SVOP: variants seen among roughly 807,000 people sequenced by gnomAD.
SVOP encodes the protein SV2 related protein, also known as synaptic vesicle 2-related protein.
Under a neutral mutation model 69.1 loss-of-function variants are expected in SVOP, and 17 were observed. That is an observed-to-expected ratio of 0.25 (90% CI 0.17 to 0.37). The LOEUF is 0.37. SVOP is among the 10% of genes least tolerant of loss of function. The probability of loss-of-function intolerance (pLI) is 1.00; values close to 1 mark genes in which losing one functional copy is unlikely to be tolerated. For missense variants in SVOP, 435 were observed against 597.5 expected, an observed-to-expected ratio of 0.73 and a Z score of 2.84; for synonymous variants, 238 against 238.6, an observed-to-expected ratio of 1.00 and a Z score of 0.02.
intron 7 of SVOP, among the ~76,000 whole-genome samples, chr12:108,943,069 T>A (rs1291161815): frequency 1.3e-5 from 2 of 151,876 alleles, no homozygotes; most frequent in Non-Finnish European, 2.9e-5. Context: ...AATAGTCCCT[T>A]TATTAAACCA....
At chr12:109,015,094 T>C (rs11065850) in intron 1 of SVOP, among the ~76,000 whole-genome samples, 143,287 of 152,186 alleles carry the variant, frequency 0.94, 68,067 homozygotes, top group Non-Finnish European at 1. Context: ...TAAAGAGAGT[T>C]ATTAGGGTAA....
intron 9 of SVOP, 121 bp downstream of exon 9, chr12:108,938,706 C>A (rs2039870687): frequency 5.3e-6 from 8 of 1,512,720 alleles, no homozygotes; most frequent in Admixed American, 1.8e-5. Context: ...CACGCACACA[C>A]CCCACCTTGG....
At chr12:109,003,204 G>T (rs983039671) in intron 1 of SVOP, among the ~76,000 whole-genome samples, 46 of 152,230 alleles carry the variant, frequency 3.0e-4, no homozygotes, top group African/African-American at 1.1e-3. Flanking sequence ...GGTTTCTTCT[G>T]GGGAGGAGAA....
intron 1 of SVOP, among the ~76,000 whole-genome samples, chr12:109,010,075 G>A (rs562138175): frequency 1.3e-5 from 2 of 148,766 alleles, no homozygotes; most frequent in Admixed American, 1.3e-4. Flanking sequence ...AGTGAGCCAT[G>A]ATCATGCCAC....
intron 1 of SVOP, among the ~76,000 whole-genome samples, chr12:109,013,708 A>G (rs2040354272): frequency 6.6e-6 from 1 of 151,942 alleles, no homozygotes; most frequent in Admixed American, 6.6e-5. Flanking sequence ...ACCATTTTTA[A>G]GTATACAGTT....
intron 5 of SVOP, among the ~76,000 whole-genome samples, chr12:108,961,574 A>G (rs2040018079): frequency 6.6e-6 from 1 of 152,190 alleles, no homozygotes; most frequent in Non-Finnish European, 1.5e-5. Flanking sequence ...GTCAATGACA[A>G]CGCTGTGTGC....
chr12:108,946,839 C>A (rs1335067070), intron 6 of SVOP, among the ~76,000 whole-genome samples: 1 of 151,964 alleles, frequency 6.6e-6, no homozygotes, highest in Non-Finnish European at 1.5e-5. Context: ...CCACCTCAGC[C>A]TCCTGAGTAG....
chr12:108,912,876 C>T (rs1460654499), intron 15 of SVOP, 135 bp from the exon 16 acceptor site: 1 of 934,798 alleles, frequency 1.1e-6, no homozygotes, highest in Non-Finnish European at 1.6e-6. Flanking sequence ...ATTCCCTCCT[C>T]TCCCCCTTTG....
intron 1 of SVOP, among the ~76,000 whole-genome samples, chr12:108,997,921 A>AACGC (rs1479195468): frequency 6.7e-6 from 1 of 149,964 alleles, no homozygotes; most frequent in East Asian, 2.0e-4. Flanking sequence ...CCTCCAAAGG[A>AACGC]ACGCAGTTCC....
At chr12:108,960,691 G>C (rs1052072376) in intron 6 of SVOP, among the ~76,000 whole-genome samples, 1 of 152,128 alleles carries the variant, frequency 6.6e-6, no homozygotes, top group Non-Finnish European at 1.5e-5. Flanking sequence ...TTATCATTTC[G>C]CTTTTACAAC....
At chr12:109,017,654 A>T (rs1209126338) in intron 1 of SVOP, among the ~76,000 whole-genome samples, 1 of 151,952 alleles carries the variant, frequency 6.6e-6, no homozygotes, top group East Asian at 1.9e-4. Context: ...GGTTCAAGAG[A>T]TTCTCCTGCC....
chr12:109,008,792 G>A (rs2040324197), intron 1 of SVOP, among the ~76,000 whole-genome samples: 2 of 151,958 alleles, frequency 1.3e-5, no homozygotes, highest in South Asian at 4.1e-4. Context: ...CAGAAAGTCA[G>A]GATCCAAAAC....
At chr12:108,965,415 A>G (rs1242221472) in intron 5 of SVOP, among the ~76,000 whole-genome samples, 4 of 152,170 alleles carry the variant, frequency 2.6e-5, no homozygotes. Context: ...ATGCACATGT[A>G]ACACAGCAAG....
chr12:108,964,814 T>C (rs1485406361), intron 5 of SVOP, among the ~76,000 whole-genome samples: 1 of 152,134 alleles, frequency 6.6e-6, no homozygotes, highest in African/African-American at 2.4e-5. Flanking sequence ...CTTTCCTCCT[T>C]CCCTCTCTCC....
intron 13 of SVOP, 113 bp from the exon 14 acceptor site, chr12:108,918,237 C>T: frequency 1.4e-6 from 1 of 697,264 alleles, no homozygotes; most frequent in Non-Finnish European, 2.3e-6. Context: ...GGTTACCCCT[C>T]CCCGATGCTC....
chr12:108,980,389 T>C (rs1593198345), intron 2 of SVOP, among the ~76,000 whole-genome samples: 1 of 152,164 alleles, frequency 6.6e-6, no homozygotes, highest in African/African-American at 2.4e-5. Flanking sequence ...ATGTGAGAAA[T>C]GTCTATACTA....
chr12:108,946,393 C>T (rs2039923223), intron 6 of SVOP, among the ~76,000 whole-genome samples: 1 of 152,128 alleles, frequency 6.6e-6, no homozygotes, highest in African/African-American at 2.4e-5. Context: ...AGCCACTGTG[C>T]CTAGCCCCGC....
chr12:108,972,606 C>T (rs2040085859), intron 4 of SVOP, 130 bp from the exon 5 acceptor site: 2 of 944,062 alleles, frequency 2.1e-6, no homozygotes, highest in Non-Finnish European at 1.6e-6. Flanking sequence ...GAGAGCCTGC[C>T]AAGGGGCAAA....
Position 108,947,842 on chromosome 12 carries a change from G to A in SVOP, c.579-2676C>T, listed in dbSNP as rs918393164. Among the ~76,000 whole-genome samples, 28 of 152,184 alleles carry A rather than the reference G, an allele frequency of 1.8e-4. 1 individual carries two copies. The highest frequency in any genetic ancestry group is 5.9e-5 in the Non-Finnish European group (4 of 68,034). ...GTTACTCTCCTAGCTCCTCTTAAGGGGTGGGGGTTGGGGGATAAAGGGAAG... is the reference window on the plus strand; with the variant it reads ...GTTACTCTCCTAGCTCCTCTTAAGGAGTGGGGGTTGGGGGATAAAGGGAAG... On this transcript the variant is annotated intron_variant, in intron 6 of 15. Transcript: ENST00000610966.
Sources: allele counts gnomAD v4.1 joint callset (sites outside exome capture counted in the v4.1 genomes callset), GRCh38; gene constraint gnomAD v4.1.1; transcripts MANE v1.5; gene names NCBI Gene and HGNC (gene_info 2026-07-23, HGNC 2026-07-21).